SHC3: variants seen among roughly 807,000 people sequenced by gnomAD.
SHC3 encodes the protein SHC adaptor protein 3.
Under a neutral mutation model 60.4 loss-of-function variants are expected in SHC3, and 15 were observed. That is an observed-to-expected ratio of 0.25 (90% CI 0.17 to 0.38). The LOEUF is 0.38. Ranked by LOEUF, SHC3 falls within the 10% of genes least tolerant of loss-of-function variation. The pLI is 1.00. For missense variants in SHC3, 677 were observed against 786.1 expected, an observed-to-expected ratio of 0.86 and a Z score of 1.66; for synonymous variants, 294 against 325.9, an observed-to-expected ratio of 0.90 and a Z score of 1.05.
chr9:89,170,853 G>T (rs1826859484), intron 1 of SHC3, among the ~76,000 whole-genome samples: 1 of 152,154 alleles, frequency 6.6e-6, no homozygotes, highest in Non-Finnish European at 1.5e-5. Flanking sequence ...ATAGTATACG[G>T]TGTATGGAAG....
chr9:89,075,170 A>C lies in SHC3; in HGVS notation c.668T>G (p.Met223Arg). The change falls in exon 4 of 12, where the codon ATG becomes AGG. Residue 223 changes from methionine to arginine, a missense_variant. Coordinates refer to ENST00000375835, the MANE Select transcript of SHC3 (RefSeq NM_016848.6). Reference sequence around the variant, plus strand: ...CGTGGAGATGGTCAGAGAGATGCTCATTCCCGCAAACTGGAGGTTGCTCTT... The same window carrying C: ...CGTGGAGATGGTCAGAGAGATGCTCCTTCCCGCAAACTGGAGGTTGCTCTT... ...LGKSNLQFAG[M>R]SISLTISTAS... 2 of 1,614,020 alleles carry C rather than the reference A, an allele frequency of 1.2e-6. No individual in the cohort carries two copies. The highest frequency in any genetic ancestry group is 1.7e-6 in the Non-Finnish European group (2 of 1,179,920).
intron 11 of SHC3, among the ~76,000 whole-genome samples, chr9:89,018,674 T>C (rs557957634): frequency 1.3e-5 from 2 of 149,924 alleles, no homozygotes; most frequent in Non-Finnish European, 3.0e-5. Context: ...GATAAAGTAG[T>C]TTTTTTTTCT....
chr9:89,056,653 C>T (rs901721744), intron 6 of SHC3, among the ~76,000 whole-genome samples: 2 of 152,244 alleles, frequency 1.3e-5, no homozygotes, highest in African/African-American at 2.4e-5. Context: ...CTTCGCCGCT[C>T]ACCCCACATC....
chr9:89,119,386 G>A (rs1188691868), intron 1 of SHC3, among the ~76,000 whole-genome samples: 1 of 151,908 alleles, frequency 6.6e-6, no homozygotes, highest in East Asian at 1.9e-4. Flanking sequence ...AAAAGTCAAA[G>A]CCCTTCACAG....
intron 6 of SHC3, among the ~76,000 whole-genome samples, chr9:89,053,851 G>T (rs1424375229): frequency 6.6e-6 from 1 of 152,216 alleles, no homozygotes; most frequent in Non-Finnish European, 1.5e-5. Context: ...TTCCAGCTAA[G>T]AAGGAAGTAG....
At chr9:89,112,748 T>C (rs1825968463) in intron 1 of SHC3, 122 bp from the exon 2 acceptor site, 2 of 759,646 alleles carry the variant, frequency 2.6e-6, no homozygotes, top group South Asian at 4.9e-5. Flanking sequence ...TAACTTTAAA[T>C]TCTAGGGTGA....
chr9:89,054,046 G>C (rs187448528), intron 6 of SHC3, among the ~76,000 whole-genome samples: 1 of 152,254 alleles, frequency 6.6e-6, no homozygotes, highest in East Asian at 1.9e-4. Flanking sequence ...TTTTTTTTAA[G>C]GAGAAAATAG....
Position 89,035,861 on chromosome 9 carries a change from GTGT to G in SHC3, c.1656+2129_1656+2131del, listed in dbSNP as rs1564089055. Among the ~76,000 whole-genome samples, 11 of 106,780 alleles carry G rather than the reference GTGT, an allele frequency of 1.0e-4. 1 individual carries two copies. The highest frequency in any genetic ancestry group is 4.4e-4 in the African/African-American group (11 of 24,788). 70.1% of individuals were successfully genotyped at this position (106,780 alleles called of 152,430 possible). A position where few individuals can be genotyped will look rare whatever the true frequency, so the allele number is the denominator to read the frequency against. On this transcript the variant is annotated intron_variant, in intron 11 of 11. Transcript: ENST00000375835. ...TATATATATATATAGATGTGTGTGT[GTGT>G]GTGTGTGTGTGTGTGTGTGTGTGTG...
intron 11 of SHC3, among the ~76,000 whole-genome samples, chr9:89,021,495 C>G (rs1442742603): frequency 2.6e-5 from 4 of 152,202 alleles, no homozygotes; most frequent in Non-Finnish European, 4.4e-5. Context: ...TGGGAAAGCA[C>G]AGCTGACCCA....
At chr9:89,026,088 A>G (rs1329926723) in intron 11 of SHC3, among the ~76,000 whole-genome samples, 2 of 151,888 alleles carry the variant, frequency 1.3e-5, no homozygotes. Context: ...TACTAAAAAT[A>G]CACACACACA....
At chr9:89,074,123 T>A (rs903735357) in intron 4 of SHC3, among the ~76,000 whole-genome samples, 4 of 152,212 alleles carry the variant, frequency 2.6e-5, no homozygotes, top group Non-Finnish European at 4.4e-5. Flanking sequence ...TATTTCAACA[T>A]CTTGGGTGGC....
chr9:89,156,037 T>C (rs1187318130), intron 1 of SHC3, among the ~76,000 whole-genome samples: 2 of 152,206 alleles, frequency 1.3e-5, no homozygotes, highest in Admixed American at 6.5e-5. Flanking sequence ...TGTGCCCTTA[T>C]AGAGTGCCCT....
chr9:89,116,901 A>C (rs1251792473), intron 1 of SHC3, among the ~76,000 whole-genome samples: 1 of 152,188 alleles, frequency 6.6e-6, no homozygotes, highest in African/African-American at 2.4e-5. Flanking sequence ...CACCATCACC[A>C]CTATCACATG....
chr9:89,074,017 C>T (rs771965885), intron 4 of SHC3, among the ~76,000 whole-genome samples: 5 of 152,156 alleles, frequency 3.3e-5, no homozygotes, highest in Admixed American at 6.5e-5. Flanking sequence ...ATCTATCAGT[C>T]CTGTGAGGAC....
chr9:89,074,323 T>C (rs573660857), intron 4 of SHC3, among the ~76,000 whole-genome samples: 1 of 152,234 alleles, frequency 6.6e-6, no homozygotes, highest in African/African-American at 2.4e-5. Context: ...CCCCAGAAGC[T>C]GAGCCGGGGC....
intron 6 of SHC3, among the ~76,000 whole-genome samples, chr9:89,061,267 G>A (rs1488345343): frequency 6.6e-6 from 1 of 152,234 alleles, no homozygotes; most frequent in Non-Finnish European, 1.5e-5. Context: ...TTGCTGCCAA[G>A]GGAAAGAAAA....
intron 2 of SHC3, among the ~76,000 whole-genome samples, chr9:89,093,991 C>A (rs976925977): frequency 6.6e-6 from 1 of 151,524 alleles, no homozygotes; most frequent in Non-Finnish European, 1.5e-5. Flanking sequence ...GTAATCCCAG[C>A]TACTCAGGAG....
intron 2 of SHC3, among the ~76,000 whole-genome samples, chr9:89,081,620 A>T (rs751129796): frequency 6.6e-6 from 1 of 151,816 alleles, no homozygotes; most frequent in Admixed American, 6.6e-5. Flanking sequence ...CCACCCCCCT[A>T]GTCCTTTCTA....
At chr9:89,068,158 G>A (rs1331769770) in intron 5 of SHC3, among the ~76,000 whole-genome samples, 5 of 152,174 alleles carry the variant, frequency 3.3e-5, no homozygotes, top group African/African-American at 1.2e-4. Context: ...AGACAGAGCT[G>A]AGAAGTGCTG....
Sources: gnomAD v4.1 joint callset for allele counts (sites outside exome capture counted in the v4.1 genomes callset) on GRCh38, gnomAD v4.1.1 for gene constraint, MANE v1.5 for transcripts, NCBI Gene and HGNC (gene_info 2026-07-23, HGNC 2026-07-21) for gene names.